Variants in EIF2AK4 observed in about 807,000 individuals in gnomAD.
EIF2AK4 encodes the protein eIF-2-alpha kinase GCN2.
A neutral mutation model predicts 211.1 loss-of-function variants in EIF2AK4; 139 were observed. The observed-to-expected ratio is 0.66, with a 90% CI of 0.57 to 0.76. The LOEUF (loss-of-function observed/expected upper bound fraction) is 0.76. EIF2AK4 is among the 30% of genes least tolerant of loss of function. EIF2AK4 has a pLI of 0.00. For missense variants in EIF2AK4, 1,664 were observed against 2,043.8 expected, an observed-to-expected ratio of 0.81 and a Z score of 3.58; for synonymous variants, 710 against 751.3, an observed-to-expected ratio of 0.94 and a Z score of 0.90.
chr15:40,007,937 T>A (rs2035183011), intron 24 of EIF2AK4, 90 bp from the exon 25 acceptor site: 1 of 1,053,622 alleles, frequency 9.5e-7, no homozygotes. Flanking sequence ...TTTTTTTTCA[T>A]ATTTGTTTCT....
intron 13 of EIF2AK4, among the ~76,000 whole-genome samples, chr15:39,982,285 T>A (rs2034801592): frequency 6.6e-6 from 1 of 152,224 alleles, no homozygotes; most frequent in Non-Finnish European, 1.5e-5. Flanking sequence ...GAACTAAGCC[T>A]ACCACCAAAA....
At chr15:39,936,040 G>A (rs1437012240) in intron 1 of EIF2AK4, among the ~76,000 whole-genome samples, 1 of 152,118 alleles carries the variant, frequency 6.6e-6, no homozygotes, top group Non-Finnish European at 1.5e-5. Context: ...AAGCTCCTAA[G>A]GCTTCATTCT....
intron 13 of EIF2AK4, among the ~76,000 whole-genome samples, chr15:39,981,155 T>C (rs1488496763): frequency 6.6e-6 from 1 of 152,176 alleles, no homozygotes; most frequent in African/African-American, 2.4e-5. Flanking sequence ...GTGGATCACC[T>C]GAGGTCAAGA....
At chr15:39,950,991 T>A (rs1263453433) in intron 4 of EIF2AK4, among the ~76,000 whole-genome samples, 1 of 152,198 alleles carries the variant, frequency 6.6e-6, no homozygotes, top group Non-Finnish European at 1.5e-5. Flanking sequence ...ATATTAAAAA[T>A]TCACACATGA....
intron 22 of EIF2AK4, 77 bp from the exon 23 acceptor site, chr15:40,003,116 G>C: frequency 6.4e-7 from 1 of 1,573,188 alleles, no homozygotes; most frequent in Non-Finnish European, 8.6e-7. Flanking sequence ...TTAACTGTCA[G>C]GTTTGTGTTA....
At chr15:39,934,469 C>T in intron 1 of EIF2AK4, 130 bp downstream of exon 1, 2 of 1,283,816 alleles carry the variant, frequency 1.6e-6, no homozygotes, top group Non-Finnish European at 2.1e-6. Flanking sequence ...TTAGGTTCCA[C>T]CCATGCTCAC....
chr15:39,966,246 G>T (rs756033694), intron 8 of EIF2AK4, among the ~76,000 whole-genome samples: 2 of 152,150 alleles, frequency 1.3e-5, no homozygotes, highest in Non-Finnish European at 2.9e-5. Context: ...AAGGTAGGAG[G>T]ACTACTTGAG....
chr15:39,984,255 C>A (rs1427889890), intron 13 of EIF2AK4, among the ~76,000 whole-genome samples: 1 of 152,140 alleles, frequency 6.6e-6, no homozygotes, highest in Non-Finnish European at 1.5e-5. Context: ...GTTACTGTAG[C>A]CTTGTAGTAT....
intron 4 of EIF2AK4, among the ~76,000 whole-genome samples, chr15:39,950,685 A>G (rs1355452058): frequency 6.6e-6 from 1 of 152,200 alleles, no homozygotes; most frequent in East Asian, 1.9e-4. Context: ...GTTGCCATCA[A>G]TAAAAAATGT....
At chr15:39,968,002 C>A in intron 9 of EIF2AK4, 123 bp downstream of exon 9, 1 of 975,752 alleles carries the variant, frequency 1.0e-6, no homozygotes, top group Non-Finnish European at 1.5e-6. Context: ...TCATTCTTTG[C>A]TCTCCCAATC....
At position 39,972,907 on chromosome 15, in the gene EIF2AK4, GA is replaced by G. The variant is rs1460036490; in HGVS notation, c.1554del (p.Lys518AsnfsTer17). On this transcript the variant is annotated frameshift_variant and splice_region_variant, in exon 10 of 39. Transcript: ENST00000263791. LOFTEE classifies it high-confidence loss of function. ...AAGATTCTTCCTTCCCTCTCACCGAGATGTGTGTGCTTGGATGACAAGGAAA... is the reference window on the plus strand; with the variant it reads ...AAGATTCTTCCTTCCCTCTCACCGAGTGTGTGTGCTTGGATGACAAGGAAA... ...LPADFQDFLK[K>X]CVCLDDKERW... 2 of 1,613,394 alleles carry G rather than the reference GA, an allele frequency of 1.2e-6. No homozygotes were observed. The highest frequency in any genetic ancestry group is 1.7e-6 in the Non-Finnish European group (2 of 1,179,470).
At chr15:40,020,786 G>A (rs2035376207) in intron 30 of EIF2AK4, 113 bp from the exon 31 acceptor site, 1 of 898,888 alleles carries the variant, frequency 1.1e-6, no homozygotes. Context: ...TTCTATGCAG[G>A]ATTTCAAGAA....
At chr15:39,991,198 TAGA>T (rs2034939636) in intron 16 of EIF2AK4, 1 of 152,416 alleles carries the variant, frequency 6.6e-6, no homozygotes, top group Non-Finnish European at 1.5e-5. Flanking sequence ...GGGGCCAAGT[TAGA>T]AGGTGAGACT....
Position 39,976,426 on chromosome 15 carries a change from T to C in EIF2AK4, c.1831T>C (p.Leu611=), listed in dbSNP as rs1404288900. Residue 611 remains leucine (L), a synonymous_variant, in exon 12 of 39, where the codon TTG becomes CTG. Coordinates refer to ENST00000263791, the MANE Select transcript of EIF2AK4 (RefSeq NM_001013703.4). ...GGCTGTGCCGCAGGTGCAGAACAAG[T>C]TGGACGGCTGCTGCTACGCAGTGAA... ...FGAVIKVQNK[L]DGCCYAVKRI... is the part of the protein sequence containing the mutation. 6.2e-7 allele frequency: 1 copy of C among 1,602,076 alleles called. No individual in the cohort carries two copies. Among genetic ancestry groups the C allele is most frequent in the South Asian group, 1.1e-5 (1 of 89,158 alleles).
Position 39,985,853 on chromosome 15 carries a change from G to T in EIF2AK4, c.2368G>T (p.Val790Leu), listed in dbSNP as rs373835064. The T allele has an allele frequency of 1.2e-6, 2 of 1,614,180 alleles. No homozygotes were observed. Among genetic ancestry groups the T allele is most frequent in the Admixed American group, 3.3e-5 (2 of 60,014 alleles). Residue 790 changes from valine (V) to leucine (L), a missense_variant, in exon 14 of 39, where the codon GTG becomes TTG. By Grantham distance (32) the Val-to-Leu change is conservative (BLOSUM62 1). Coordinates refer to ENST00000263791, the MANE Select transcript of EIF2AK4 (RefSeq NM_001013703.4). ...KNGCHESEPSVTTEAVHYLYI... is the reference protein window; with the variant it reads ...KNGCHESEPSLTTEAVHYLYI... ...TGGCTGCCATGAAAGTGAGCCATCAGTGACGACTGAGGCTGTGCACTACCT... is the reference window on the plus strand; with the variant it reads ...TGGCTGCCATGAAAGTGAGCCATCATTGACGACTGAGGCTGTGCACTACCT...
intron 6 of EIF2AK4, among the ~76,000 whole-genome samples, chr15:39,959,611 A>C (rs1199512237): frequency 6.6e-6 from 1 of 152,220 alleles, no homozygotes; most frequent in East Asian, 1.9e-4. Context: ...CTTAAAACCA[A>C]GCATTTACAC....
At position 40,001,014 on chromosome 15, in the gene EIF2AK4, C is replaced by T; in HGVS notation, c.2949C>T (p.Asn983=). 1 of 1,614,176 alleles carries T rather than the reference C, an allele frequency of 6.2e-7. No individual in the cohort carries two copies. Among genetic ancestry groups the T allele is most frequent in the Non-Finnish European group, 8.5e-7 (1 of 1,180,044 alleles). ...AATCAGTCATCTCCTGGCTGTTGAA[C>T]CACGATCCAGCAAAACGGCCCACAG... ...KQKSVISWLL[N]HDPAKRPTAT... is the part of the protein sequence containing the mutation. The change falls in exon 21 of 39, where the codon AAC becomes AAT. Residue 983 remains asparagine, a synonymous_variant. Coordinates refer to ENST00000263791, the MANE Select transcript of EIF2AK4 (RefSeq NM_001013703.4).
intron 3 of EIF2AK4, among the ~76,000 whole-genome samples, chr15:39,947,976 A>G (rs1334975945): frequency 6.6e-6 from 1 of 152,270 alleles, no homozygotes; most frequent in Non-Finnish European, 1.5e-5. Flanking sequence ...TTGACATGAT[A>G]GAAATTGCCT....
chr15:39,949,431 C>A (rs1331337078), intron 4 of EIF2AK4, among the ~76,000 whole-genome samples, 163 bp downstream of exon 4: 1 of 152,118 alleles, frequency 6.6e-6, no homozygotes, highest in Non-Finnish European at 1.5e-5. Flanking sequence ...ATGAGTGATT[C>A]CCTCCTGACA....
Sources: gnomAD v4.1 joint callset for allele counts (sites outside exome capture counted in the v4.1 genomes callset) on GRCh38, gnomAD v4.1.1 for gene constraint, MANE v1.5 for transcripts, NCBI Gene and HGNC (gene_info 2026-07-23, HGNC 2026-07-21) for gene names.